AKNAD1: variants seen among roughly 807,000 people sequenced by gnomAD.
The protein encoded by AKNAD1 is protein AKNAD1.
AKNAD1 carries 67 observed loss-of-function variants against 90.8 expected under a neutral mutation model. The observed-to-expected ratio is 0.74, with a 90% CI of 0.61 to 0.90. The LOEUF (loss-of-function observed/expected upper bound fraction) is 0.90, where lower values mean the gene tolerates loss of function less well. Ranked by LOEUF, AKNAD1 falls within the 40% of genes least tolerant of loss-of-function variation. The pLI is 0.00. For missense variants in AKNAD1, 957 were observed against 975.4 expected (o/e 0.98, Z 0.25); for synonymous variants, 327 against 341.4 (o/e 0.96, Z 0.46).
intron 5 of AKNAD1, among the ~76,000 whole-genome samples, chr1:108,844,459 G>T (rs543680517): frequency 2.2e-4 from 33 of 152,156 alleles, no homozygotes; most frequent in Admixed American, 5.2e-4. Context: ...GATAGATAGA[G>T]AGAGAGAGAC....
chr1:108,822,545 G>A (rs562046239), intron 13 of AKNAD1, among the ~76,000 whole-genome samples: 1 of 152,254 alleles, frequency 6.6e-6, no homozygotes, highest in Admixed American at 6.5e-5. Context: ...GTGGGGAGGG[G>A]AGACACAGCT....
intron 6 of AKNAD1, among the ~76,000 whole-genome samples, chr1:108,842,549 G>A (rs6686538): frequency 0.028 from 4,268 of 152,202 alleles, 162 homozygotes; most frequent in African/African-American, 0.088. Flanking sequence ...AAGCTTTCAC[G>A]CTTTTCCTTT....
intron 7 of AKNAD1, 85 bp from the exon 8 acceptor site, chr1:108,835,141 C>A: frequency 1.4e-6 from 2 of 1,465,666 alleles, no homozygotes; most frequent in Non-Finnish European, 9.1e-7. Context: ...CCCTACAGCA[C>A]CCCTAAGGCA....
At position 108,817,168 on chromosome 1, in the gene AKNAD1, A is replaced by T; in HGVS notation, c.2259T>A (p.Leu753=). 1.2e-6 allele frequency: 2 copies of T among 1,613,972 alleles called. No individual in the cohort carries two copies. Among genetic ancestry groups the T allele is most frequent in the Admixed American group, 3.3e-5 (2 of 59,994 alleles). Reference sequence around the variant, plus strand: ...CTGAGCTGTAGGTCATGAAAGCCTGAAGTTTTTTTCTGGAAGACAAAAGCA... The same window carrying T: ...CTGAGCTGTAGGTCATGAAAGCCTGTAGTTTTTTTCTGGAAGACAAAAGCA... ...EHEPTPGKKK[L]QAFMTYSSDP... Residue 753 remains leucine, a synonymous_variant, in exon 15 of 16, where the codon CTT becomes CTA. Transcript: ENST00000370001.
intron 5 of AKNAD1, among the ~76,000 whole-genome samples, chr1:108,844,887 C>A (rs1664658765): frequency 6.6e-6 from 1 of 150,874 alleles, no homozygotes; most frequent in Non-Finnish European, 1.5e-5. Context: ...GGTGTGATTT[C>A]AGCTCACTGT....
chr1:108,824,474 T>C (rs1396446427), intron 11 of AKNAD1, among the ~76,000 whole-genome samples: 1 of 151,084 alleles, frequency 6.6e-6, no homozygotes, highest in African/African-American at 2.4e-5. Context: ...TATTATACAA[T>C]ATATAGTAAC....
At chr1:108,831,697 G>A (rs1172148597) in intron 9 of AKNAD1, among the ~76,000 whole-genome samples, 1 of 149,944 alleles carries the variant, frequency 6.7e-6, no homozygotes, top group Non-Finnish European at 1.5e-5. Flanking sequence ...AGGCTGGAGT[G>A]CAGTGGCCTA....
chr1:108,846,036 G>A (rs929984841), intron 5 of AKNAD1, among the ~76,000 whole-genome samples: 3 of 152,228 alleles, frequency 2.0e-5, no homozygotes, highest in Non-Finnish European at 4.4e-5. Flanking sequence ...AGGCAGAAGT[G>A]TGCCTCACTG....
In AKNAD1 at chr1:108,843,157, G is replaced by A. The variant is rs1303419917; in HGVS notation, c.1356C>T (p.Ile452=). 5 of 1,614,114 alleles carry A rather than the reference G, an allele frequency of 3.1e-6. No homozygotes were observed. Among genetic ancestry groups the A allele is most frequent in the Non-Finnish European group, 2.5e-6 (3 of 1,180,004 alleles). Residue 452 remains isoleucine, a synonymous_variant, in exon 6 of 16, where the codon ATC becomes ATT. Coordinates refer to ENST00000370001, the MANE Select transcript of AKNAD1 (RefSeq NM_152763.5). ...ACCTTTCTGGATCAAAGTCACCAAC[G>A]ATTGTTGATTCGTGCTTGTGGACTT... ...QQQVHKHEST[I]VGDFDPERKV... is the part of the protein sequence containing the mutation.
At chr1:108,836,070 A>G (rs1664377906) in intron 7 of AKNAD1, among the ~76,000 whole-genome samples, 1 of 152,240 alleles carries the variant, frequency 6.6e-6, no homozygotes, top group South Asian at 2.1e-4. Flanking sequence ...GGATGCCAGC[A>G]CTAGACTCTT....
chr1:108,836,167 C>T (rs531481297), intron 7 of AKNAD1, among the ~76,000 whole-genome samples: 9 of 152,332 alleles, frequency 5.9e-5, no homozygotes, highest in Admixed American at 5.2e-4. Flanking sequence ...TAAAGAAGAG[C>T]AGATCCAGAC....
chr1:108,826,059 G>A (rs1663987599), intron 11 of AKNAD1, among the ~76,000 whole-genome samples: 1 of 151,626 alleles, frequency 6.6e-6, no homozygotes, highest in Non-Finnish European at 1.5e-5. Context: ...AAGGGTTTCA[G>A]GAAACCCCAG....
At chr1:108,844,734 T>C (rs1403814835) in intron 5 of AKNAD1, among the ~76,000 whole-genome samples, 2 of 152,160 alleles carry the variant, frequency 1.3e-5, no homozygotes, top group Non-Finnish European at 2.9e-5. Flanking sequence ...ATTAAGGTAA[T>C]ACTCCTTGCC....
chr1:108,852,887 A>ATTTTTAAAT, intron 1 of AKNAD1, 120 bp from the exon 2 acceptor site: 1 of 405,514 alleles, frequency 2.5e-6, no homozygotes, highest in South Asian at 1.0e-4. Context: ...GAAGGCAGGA[A>ATTTTTAAAT]GCTCAACCAC....
At chr1:108,845,838 G>A (rs1664686374) in intron 5 of AKNAD1, among the ~76,000 whole-genome samples, 1 of 152,202 alleles carries the variant, frequency 6.6e-6, no homozygotes, top group Non-Finnish European at 1.5e-5. Flanking sequence ...TGGAGCTATA[G>A]ATGAGAAGTC....
chr1:108,837,771 C>T, intron 6 of AKNAD1, 65 bp from the exon 7 acceptor site: 1 of 1,530,466 alleles, frequency 6.5e-7, no homozygotes, highest in Non-Finnish European at 9.0e-7. Flanking sequence ...TTAATAATGA[C>T]AGTTCTTGAA....
At position 108,851,850 on chromosome 1, in the gene AKNAD1, T is replaced by G. The variant is rs1570830665; in HGVS notation, c.815A>C (p.Lys272Thr). 1 of 1,613,644 alleles carries G rather than the reference T, an allele frequency of 6.2e-7. No individual in the cohort carries two copies. The highest frequency in any genetic ancestry group is 8.5e-7 in the Non-Finnish European group (1 of 1,179,894). ...AAGTGGTTTATTAATTATCTTATTT[T>G]TAGGAATTTTCACTTTGGGAGCAAT... ...SKIAPKVKIP[K>T]NKIINKPLAI... is the part of the protein sequence containing the mutation. The change falls in exon 2 of 16, where the codon AAA becomes ACA. Residue 272 changes from lysine (K) to threonine (T), a missense_variant. Physicochemically the swap from Lys to Thr is moderately conservative, Grantham distance 78. Transcript: ENST00000370001.
Position 108,825,430 on chromosome 1 carries a change from T to C in AKNAD1, c.1937-1742A>G, listed in dbSNP as rs80238007. On this transcript the variant is annotated intron_variant, in intron 11 of 15. Transcript: ENST00000370001. ...TCTATAAAATAAAGATAATCATTCC[T>C]GCATTACAGGGATGTTGTGAGAGTT... is the stretch of plus-strand genomic sequence containing the variant. Among the ~76,000 whole-genome samples, 955 of 151,872 alleles carry C rather than the reference T, an allele frequency of 6.3e-3. 14 individuals are homozygous for C. Among genetic ancestry groups the C allele is most frequent in the African/African-American group, 0.022 (903 of 41,542 alleles).
chr1:108,832,478 G>A lies in AKNAD1; in HGVS notation c.1747-1828C>T, dbSNP rs534998284. On this transcript the variant is annotated intron_variant, in intron 9 of 15. Transcript: ENST00000370001. ...GACCTCAAGTGATCCACCCGCCTTG[G>A]CCTACCAAAGTGCTGGGATTACAGG... is the stretch of plus-strand genomic sequence containing the variant. 8.0e-4 allele frequency among the ~76,000 whole-genome samples: 121 copies of A among 152,148 alleles called. 1 individual carries two copies. The South Asian group carries it at 0.023, about 29-fold the overall frequency.
Sources: allele counts gnomAD v4.1 joint callset (sites outside exome capture counted in the v4.1 genomes callset), GRCh38; gene constraint gnomAD v4.1.1; transcripts MANE v1.5; gene names NCBI Gene and HGNC (gene_info 2026-07-23, HGNC 2026-07-21).